The following PPFIA4 variants were observed in gnomAD, a reference collection of about 807,000 sequenced individuals.
PPFIA4 encodes the protein liprin-alpha-4.
PPFIA4 carries 98 observed loss-of-function variants against 145.7 expected under a neutral mutation model. The ratio of observed to expected loss-of-function variants is 0.67; its 90% confidence interval spans 0.57 to 0.80. The LOEUF is 0.80. Among genes scored for constraint, PPFIA4 ranks in the 30% least tolerant of loss-of-function variants. The probability of loss-of-function intolerance (pLI) is 0.00; values close to 1 mark genes in which losing one functional copy is unlikely to be tolerated. For synonymous variants in PPFIA4, 628 were observed against 649.6 expected, an observed-to-expected ratio of 0.97 and a Z score of 0.51; for missense variants, 1,457 against 1,632.7, an observed-to-expected ratio of 0.89 and a Z score of 1.85.
chr1:203,045,414 A>C lies in PPFIA4; in HGVS notation c.713A>C (p.Gln238Pro). 6.2e-7 allele frequency: 1 copy of C among 1,609,020 alleles called. No individual in the cohort carries two copies. The highest frequency in any genetic ancestry group is 8.5e-7 in the Non-Finnish European group (1 of 1,178,390). The change falls in exon 7 of 30, where the codon CAG (glutamine) becomes CCG (proline). Residue 238 changes from glutamine to proline, a missense_variant. Coordinates refer to ENST00000295706, the MANE Select transcript of PPFIA4 (RefSeq NM_001304331.2). ...GAGCTGCAGGAGCTCCTGGAGAAGC[A>C]GAACTTTGAGTTGAGCCAGGCCCGG... is the stretch of plus-strand genomic sequence containing the variant. ...VEELQELLEK[Q>P]NFELSQARER...
intron 2 of PPFIA4, among the ~76,000 whole-genome samples, chr1:203,039,875 C>T (rs1397550192): frequency 2.0e-5 from 3 of 152,206 alleles, no homozygotes; most frequent in Non-Finnish European, 2.9e-5. Context: ...GTACAAATCA[C>T]GGAACTAAAG....
chr1:203,061,289 GA>G, intron 23 of PPFIA4: 1 of 568,226 alleles, frequency 1.8e-6, no homozygotes, highest in Non-Finnish European at 3.1e-6. Flanking sequence ...TGCTACAGCG[GA>G]GGAGAGTTGG....
At chr1:203,049,831 C>G (rs1000212297) in intron 13 of PPFIA4, 64 bp downstream of exon 13, 1 of 1,344,412 alleles carries the variant, frequency 7.4e-7, no homozygotes, top group Non-Finnish European at 9.9e-7. Flanking sequence ...AGGAAGGAGA[C>G]TTCCTTCCAA....
chr1:203,057,444 C>T (rs1336193822), intron 19 of PPFIA4, among the ~76,000 whole-genome samples: 1 of 152,200 alleles, frequency 6.6e-6, no homozygotes, highest in Non-Finnish European at 1.5e-5. Context: ...GCAAGCGTGG[C>T]ATCGTTATCA....
chr1:203,026,828 G>C (rs1658428422), intron 1 of PPFIA4, among the ~76,000 whole-genome samples, 199 bp downstream of exon 1: 1 of 152,212 alleles, frequency 6.6e-6, no homozygotes, highest in African/African-American at 2.4e-5. Context: ...TGTGCCCTTG[G>C]GGGTGAGGAT....
In PPFIA4 at chr1:203,063,658, C is replaced by T. The variant is rs1055125235; in HGVS notation, c.2875-170C>T. 4 of 613,524 alleles carry T rather than the reference C, an allele frequency of 6.5e-6. No individual in the cohort carries two copies. In the African/African-American group the frequency reaches 7.4e-5, roughly 11 times the overall value. The allele number at this position is 613,524 out of a possible 1,614,324, so 38.0% of individuals were successfully genotyped here. A position where few individuals can be genotyped will look rare whatever the true frequency, so the allele number is the denominator to read the frequency against. ...AAGTTCCATTTAAAATCCTCACCTC[C>T]CACCACTACCAGCCCCCTTATTGAA... is the stretch of plus-strand genomic sequence containing the variant. On this transcript the variant is annotated intron_variant, in intron 24 of 29. Coordinates refer to ENST00000295706, the MANE Select transcript of PPFIA4 (RefSeq NM_001304331.2).
intron 18 of PPFIA4, 56 bp from the exon 19 acceptor site, chr1:203,056,728 C>T: frequency 1.4e-6 from 2 of 1,425,602 alleles, no homozygotes; most frequent in South Asian, 2.4e-5. Flanking sequence ...ATCTTTCCTG[C>T]TGTCACTTAA....
chr1:203,066,879 A>G (rs907174300), intron 25 of PPFIA4, among the ~76,000 whole-genome samples: 11 of 152,224 alleles, frequency 7.2e-5, no homozygotes, highest in African/African-American at 2.4e-4. Flanking sequence ...GAGCTTATGA[A>G]TTCTAACTGG....
Position 203,059,203 on chromosome 1 carries a change from T to A in PPFIA4, c.2433T>A (p.Ser811Arg). Residue 811 changes from serine (S) to arginine (R), a missense_variant, in exon 20 of 30, where the codon AGT becomes AGA. Physicochemically the swap from Ser to Arg is moderately radical, Grantham distance 110. This residue lies in a region of PPFIA4 where 848 missense variants were observed against 1,046.7 expected (regional missense o/e 0.81). Coordinates refer to ENST00000295706, the MANE Select transcript of PPFIA4 (RefSeq NM_001304331.2). Reference protein sequence around the residue: ...GHVLLTDSEFSMQEPMVPAKL... With the variant: ...GHVLLTDSEFRMQEPMVPAKL... The stretch of plus-strand genomic sequence containing the variant: ...TTCTGCTAACAGACTCCGAATTCAG[T>A]ATGCAGGAGCCTATGGTGCCTGCCA... The A allele has an allele frequency of 6.5e-7, 1 of 1,545,448 alleles. No homozygotes were observed. The highest frequency in any genetic ancestry group is 8.8e-7 in the Non-Finnish European group (1 of 1,133,750).
In PPFIA4 at chr1:203,067,762, A is replaced by G. The variant is rs748679416; in HGVS notation, c.3118A>G (p.Arg1040Gly). 5 of 1,613,642 alleles carry G rather than the reference A, an allele frequency of 3.1e-6. No individual in the cohort carries two copies. The highest frequency in any genetic ancestry group is 4.2e-6 in the Non-Finnish European group (5 of 1,179,856). The change falls in exon 26 of 30, where the codon AGG (arginine) becomes GGG (glycine). Residue 1040 changes from arginine (R) to glycine (G), a missense_variant. By Grantham distance (125) the Arg-to-Gly change is moderately radical (BLOSUM62 -2). Transcript: ENST00000295706. Reference sequence around the variant, plus strand: ...TTATGACCGGAAGGAGCTGGAGAAGAGGCGAGAGGAGAGCCAGCATGAGAT... The same window carrying G: ...TTATGACCGGAAGGAGCTGGAGAAGGGGCGAGAGGAGAGCCAGCATGAGAT... Reference protein sequence around the residue: ...LNYDRKELEKRREESQHEIKD... With the variant: ...LNYDRKELEKGREESQHEIKD...
In PPFIA4 at chr1:203,075,978, G is replaced by A. The variant is rs570230632; in HGVS notation, c.3574+221G>A. On this transcript the variant is annotated intron_variant, in intron 29 of 29. Coordinates refer to ENST00000295706, the MANE Select transcript of PPFIA4 (RefSeq NM_001304331.2). This position sits in a 1 kb window ranked among gnomAD's most constrained non-coding sequence, Gnocchi z 4.1. ...GCCGACTTCTCCCAGCTGGGACGGC[G>A]GGGTCGCAGAGACTGGAGACCTCCA... 6 of 525,284 alleles carry A rather than the reference G, an allele frequency of 1.1e-5. No individual in the cohort carries two copies. In the South Asian group the frequency reaches 1.6e-4, roughly 14 times the overall value. The allele number at this position is 525,284 out of a possible 1,614,324, so 32.5% of individuals were successfully genotyped here.
At chr1:203,057,463 A>G (rs17461925) in intron 19 of PPFIA4, among the ~76,000 whole-genome samples, 61,406 of 152,120 alleles carry the variant, frequency 0.4, 12,810 homozygotes, top group African/African-American at 0.5. Context: ...CACCTCTGTG[A>G]TAGTATAAAT....
chr1:203,053,789 C>T lies in PPFIA4; in HGVS notation c.1657C>T (p.Pro553Ser), dbSNP rs567087845. The T allele has an allele frequency of 1.3e-6, 2 of 1,552,120 alleles. No individual in the cohort carries two copies. The highest frequency in any genetic ancestry group is 1.2e-5 in the South Asian group (1 of 84,088). The change falls in exon 15 of 30, where the codon CCG becomes TCG. Residue 553 changes from proline to serine, a missense_variant. Transcript: ENST00000295706. ...TTCTCCACTGCCTGGGATGCTGGCCCCGGCAGCTGGCCCTGCCTTTGACAG... is the reference window on the plus strand; with the variant it reads ...TTCTCCACTGCCTGGGATGCTGGCCTCGGCAGCTGGCCCTGCCTTTGACAG... ...ETSPLPGMLA[P>S]AAGPAFDSDP...
chr1:203,037,153 CT>C, intron 1 of PPFIA4: 3 of 360,042 alleles, frequency 8.3e-6, no homozygotes, highest in East Asian at 1.0e-4. Flanking sequence ...CTCCCTCTTC[CT>C]TTCCCCTGTT....
chr1:203,064,241 G>C (rs1558096787), intron 25 of PPFIA4, among the ~76,000 whole-genome samples: 1 of 152,190 alleles, frequency 6.6e-6, no homozygotes, highest in East Asian at 1.9e-4. Context: ...ATTGTGTCTA[G>C]TCCTAAAGAC....
At position 203,055,612 on chromosome 1, in the gene PPFIA4, A is replaced by T; in HGVS notation, c.2010A>T (p.Thr670=). ...CCCCACCACTCAGCGGCCGCTCCAC[A>T]CCTAAGCTCACCTCCCGCAGTGCTG... ...SASPPLSGRS[T]PKLTSRSAAQ... is the part of the protein sequence containing the mutation. The change falls in exon 16 of 30, where the codon ACA becomes ACT. Residue 670 remains threonine, a synonymous_variant. Coordinates refer to ENST00000295706, the MANE Select transcript of PPFIA4 (RefSeq NM_001304331.2). The surrounding 1 kb of genome is among the most constrained non-coding windows in gnomAD (Gnocchi z 4.8). 6.2e-7 allele frequency: 1 copy of T among 1,613,878 alleles called. No individual in the cohort carries two copies. The highest frequency in any genetic ancestry group is 1.3e-5 in the African/African-American group (1 of 75,002).
chr1:203,074,564 T>G lies in PPFIA4; in HGVS notation c.3394-1013T>G, dbSNP rs74472660. 4.9e-3 allele frequency among the ~76,000 whole-genome samples: 750 copies of G among 152,094 alleles called. 7 individuals carry two copies. Among genetic ancestry groups the G allele is most frequent in the African/African-American group, 0.017 (720 of 41,484 alleles). On this transcript the variant is annotated intron_variant, in intron 28 of 29. Coordinates refer to ENST00000295706, the MANE Select transcript of PPFIA4 (RefSeq NM_001304331.2). ...ATGGTGCTGAGAATTTATCAGAGCA[T>G]TTGACCCACTTGGCACACACAACAA...
In PPFIA4 at chr1:203,053,129, T is replaced by C. The variant is rs185017339; in HGVS notation, c.1621-624T>C. ...AGAGGTTAAAAAATGTTCCTATGGT[T>C]GCACAACTAGTGTTTGGTGGAGATG... On this transcript the variant is annotated intron_variant, in intron 14 of 29. Coordinates refer to ENST00000295706, the MANE Select transcript of PPFIA4 (RefSeq NM_001304331.2). Among the ~76,000 whole-genome samples the C allele has an allele frequency of 2.9e-4, 44 of 152,328 alleles. No homozygotes were observed. The East Asian group carries it at 7.7e-3, about 27-fold the overall frequency.
chr1:203,046,978 T>C (rs1310458234), intron 9 of PPFIA4, among the ~76,000 whole-genome samples: 3 of 152,208 alleles, frequency 2.0e-5, no homozygotes. Flanking sequence ...GCTGAAAACA[T>C]AATAGGTTCT....
Sources: gnomAD v4.1 joint callset for allele counts (sites outside exome capture counted in the v4.1 genomes callset) on GRCh38, gnomAD v4.1.1 for gene constraint, gnomAD v4.1.1 regional missense constraint, Gnocchi (gnomAD v3.1) non-coding constraint, MANE v1.5 for transcripts, NCBI Gene and HGNC (gene_info 2026-07-23, HGNC 2026-07-21) for gene names.